The following PI4K2B variants were observed in gnomAD, a reference collection of about 807,000 sequenced individuals.
PI4K2B encodes the protein phosphatidylinositol 4-kinase type 2-beta.
In PI4K2B, 46 loss-of-function variants were observed where a neutral mutation model predicts 56.6. The observed-to-expected ratio is 0.81, with a 90% CI of 0.64 to 1.04. The LOEUF (loss-of-function observed/expected upper bound fraction) is 1.04. Ranked by LOEUF, PI4K2B falls within the 50% of genes least tolerant of loss-of-function variation. The pLI, the probability that PI4K2B is intolerant of heterozygous loss-of-function variation, is 0.00. For missense variants in PI4K2B, 556 were observed against 607.7 expected (o/e 0.91, Z 0.89); for synonymous variants, 211 against 223.8 (o/e 0.94, Z 0.51).
At chr4:25,276,725 A>G (rs1304396281) in intron 9 of PI4K2B, 1 of 985,170 alleles carries the variant, frequency 1.0e-6, no homozygotes, top group Non-Finnish European at 1.2e-6. Context: ...CTTTGATTCC[A>G]TTGCTCCTGG....
intron 1 of PI4K2B, among the ~76,000 whole-genome samples, chr4:25,236,107 A>G (rs959609146): frequency 6.6e-6 from 1 of 152,146 alleles, no homozygotes; most frequent in African/African-American, 2.4e-5. Context: ...TACCTGTATC[A>G]CAGTTTACAA....
chr4:25,258,900 G>A, intron 4 of PI4K2B, 137 bp from the exon 5 acceptor site: 1 of 469,956 alleles, frequency 2.1e-6, no homozygotes, highest in African/African-American at 2.0e-5. Flanking sequence ...CTTGATAAAT[G>A]TGGCTTATCT....
At chr4:25,259,260 CA>C (rs1716366609) in intron 5 of PI4K2B, 70 bp downstream of exon 5, 1 of 1,083,654 alleles carries the variant, frequency 9.2e-7, no homozygotes, top group African/African-American at 1.6e-5. Flanking sequence ...TTATCCAAAT[CA>C]AAGCGGTAAA....
chr4:25,267,795 C>A (rs1306685365), intron 7 of PI4K2B: 5 of 976,324 alleles, frequency 5.1e-6, no homozygotes, highest in Non-Finnish European at 6.1e-6. Flanking sequence ...AGTCATGGAT[C>A]TTTTGTCTCT....
At position 25,269,197 on chromosome 4, in the gene PI4K2B, G is replaced by T. The variant is rs1187915010; in HGVS notation, c.1266G>T (p.Arg422Ser). ...ATFESQMSVM[R>S]GQILNLTQAL... ...TTGAAAGTCAGATGTCTGTGATGAG[G>T]GGTCAGGTAAGTTACCTTTTTATTT... is the stretch of plus-strand genomic sequence containing the variant. Residue 422 changes from arginine (R) to serine (S), a missense_variant, in exon 9 of 10, where the codon AGG becomes AGT. Arg to Ser is a moderately radical substitution (Grantham distance 110). Coordinates refer to ENST00000264864, the MANE Select transcript of PI4K2B (RefSeq NM_018323.4). 1 of 1,544,482 alleles carries T rather than the reference G, an allele frequency of 6.5e-7. No homozygotes were observed.
intron 9 of PI4K2B, among the ~76,000 whole-genome samples, chr4:25,273,507 T>C (rs533606090): frequency 3.3e-5 from 5 of 152,348 alleles, no homozygotes; most frequent in South Asian, 4.1e-4. Flanking sequence ...ATGCTTATTA[T>C]TGTTTATCCT....
In PI4K2B at chr4:25,234,229, G is replaced by T; in HGVS notation, c.66G>T (p.Glu22Asp). The change falls in exon 1 of 10, where the codon GAG becomes GAT. Residue 22 changes from glutamate to aspartate, a missense_variant. Glu to Asp is a conservative substitution (Grantham distance 45). Transcript: ENST00000264864. The stretch of plus-strand genomic sequence containing the variant: ...ACGGCGGGAGCCCGGAGGAGGAGGA[G>T]GATGGGGAGCGGGAGCCGCTGCTAC... ...SADGGSPEEEEDGEREPLLPR... is the reference protein window; with the variant it reads ...SADGGSPEEEDDGEREPLLPR... 2 of 1,427,950 alleles carry T rather than the reference G, an allele frequency of 1.4e-6. No individual in the cohort carries two copies. The highest frequency in any genetic ancestry group is 1.4e-5 in the South Asian group (1 of 70,130). 88.5% of individuals were successfully genotyped at this position (1,427,950 alleles called of 1,614,324 possible).
intron 9 of PI4K2B, among the ~76,000 whole-genome samples, chr4:25,270,200 T>C (rs1035650552): frequency 6.6e-6 from 1 of 152,198 alleles, no homozygotes; most frequent in African/African-American, 2.4e-5. Context: ...TTTTTTTCTT[T>C]TTTCGCGGAA....
intron 3 of PI4K2B, among the ~76,000 whole-genome samples, chr4:25,255,757 G>A (rs1046757051): frequency 6.6e-6 from 1 of 151,458 alleles, no homozygotes; most frequent in African/African-American, 2.4e-5. Context: ...ACCATCATGT[G>A]CCTGGCACCC....
intron 7 of PI4K2B, among the ~76,000 whole-genome samples, chr4:25,264,823 A>G (rs185039735): frequency 2.1e-4 from 32 of 152,284 alleles, no homozygotes; most frequent in South Asian, 4.2e-4. Context: ...GTGAGCCAAG[A>G]TGGCACCACT....
chr4:25,237,954 G>A (rs955335734), intron 1 of PI4K2B, among the ~76,000 whole-genome samples: 1 of 152,184 alleles, frequency 6.6e-6, no homozygotes, highest in Non-Finnish European at 1.5e-5. Context: ...ATACAAATCA[G>A]GAGCGCTTAG....
intron 7 of PI4K2B, among the ~76,000 whole-genome samples, chr4:25,266,957 G>A (rs900766421): frequency 2.7e-5 from 4 of 150,618 alleles, no homozygotes. Context: ...GACTAAGTGT[G>A]GAATCAGGGG....
chr4:25,234,240 G>A lies in PI4K2B; in HGVS notation c.77G>A (p.Arg26Gln). 1 of 1,426,940 alleles carries A rather than the reference G, an allele frequency of 7.0e-7. No individual in the cohort carries two copies. The highest frequency in any genetic ancestry group is 9.2e-7 in the Non-Finnish European group (1 of 1,089,502). The allele number at this position is 1,426,940 out of a possible 1,614,324, so 88.4% of individuals were successfully genotyped here. The change falls in exon 1 of 10, where the codon CGG becomes CAG. Residue 26 changes from arginine to glutamine, a missense_variant. Physicochemically the swap from Arg to Gln is conservative, Grantham distance 43 (BLOSUM62 1). Transcript: ENST00000264864. ...GSPEEEEDGE[R>Q]EPLLPRIAWA... ...CCGGAGGAGGAGGAGGATGGGGAGC[G>A]GGAGCCGCTGCTACCGCGGATCGCC... is the stretch of plus-strand genomic sequence containing the variant.
chr4:25,263,798 A>G lies in PI4K2B; in HGVS notation c.1027A>G (p.Ile343Val), dbSNP rs749434996. 5 of 1,543,092 alleles carry G rather than the reference A, an allele frequency of 3.2e-6. No individual in the cohort carries two copies. The highest frequency in any genetic ancestry group is 3.4e-5 in the Admixed American group (2 of 59,594). ...DEEFLIKIAAIDNGLAFPFKH... is the reference protein window; with the variant it reads ...DEEFLIKIAAVDNGLAFPFKH... Reference sequence around the variant, plus strand: ...AGAATTCCTTATTAAAATAGCTGCAATTGATAATGGTCTAGCATTTCCTTT... The same window carrying G: ...AGAATTCCTTATTAAAATAGCTGCAGTTGATAATGGTCTAGCATTTCCTTT... The change falls in exon 7 of 10, where the codon ATT becomes GTT. Residue 343 changes from isoleucine (I) to valine (V), a missense_variant. By Grantham distance (29) the Ile-to-Val change is conservative. Coordinates refer to ENST00000264864, the MANE Select transcript of PI4K2B (RefSeq NM_018323.4).
chr4:25,244,703 T>A (rs1715684613), intron 1 of PI4K2B, among the ~76,000 whole-genome samples: 2 of 152,190 alleles, frequency 1.3e-5, no homozygotes, highest in African/African-American at 4.8e-5. Flanking sequence ...AGTTTTGGTT[T>A]GTTTTGTTTC....
rs1716419504 is a variant in PI4K2B at position 25,260,517 on chromosome 4, T to C, written c.911-7T>C. On this transcript the variant is annotated splice_region_variant and splice_polypyrimidine_tract_variant and intron_variant, in intron 5 of 9. Transcript: ENST00000264864. ...GAAGTAACAGATTTTCTTGTTTGTT[T>C]TGAAAGACAGGGGCAATGATAATTG... 1 of 1,380,570 alleles carries C rather than the reference T, an allele frequency of 7.2e-7. No individual in the cohort carries two copies. Among genetic ancestry groups the C allele is most frequent in the South Asian group, 1.6e-5 (1 of 64,114 alleles). 85.5% of individuals were successfully genotyped at this position (1,380,570 alleles called of 1,614,324 possible).
At chr4:25,249,408 C>A (rs1401117986) in intron 1 of PI4K2B, among the ~76,000 whole-genome samples, 2 of 140,798 alleles carry the variant, frequency 1.4e-5, no homozygotes, top group African/African-American at 5.0e-5. Flanking sequence ...CGCCCCTCCA[C>A]CCCCCGGACA....
intron 9 of PI4K2B, among the ~76,000 whole-genome samples, chr4:25,269,832 G>A (rs1192088759): frequency 1.3e-5 from 2 of 151,340 alleles, no homozygotes; most frequent in Non-Finnish European, 2.9e-5. Context: ...TCCTGCCTCA[G>A]CCTCCCGAGT....
intron 6 of PI4K2B, among the ~76,000 whole-genome samples, chr4:25,261,542 A>T (rs1716478469): frequency 1.3e-5 from 2 of 152,210 alleles, no homozygotes; most frequent in Admixed American, 1.3e-4. Context: ...TTTATAATTT[A>T]TGTTCTCAAG....
Sources: allele counts gnomAD v4.1 joint callset (sites outside exome capture counted in the v4.1 genomes callset), GRCh38; gene constraint gnomAD v4.1.1; transcripts MANE v1.5; gene names NCBI Gene and HGNC (gene_info 2026-07-23, HGNC 2026-07-21).